Variants in PDS5A observed in about 807,000 individuals in gnomAD.
The protein encoded by PDS5A is PDS5 cohesin associated factor A, also known as sister chromatid cohesion protein PDS5 homolog A.
A neutral mutation model predicts 167.1 loss-of-function variants in PDS5A; 42 were observed. The ratio of observed to expected loss-of-function variants is 0.25; its 90% CI spans 0.20 to 0.33. PDS5A has a LOEUF of 0.33. Ranked by LOEUF, PDS5A falls within the 10% of genes least tolerant of loss-of-function variation. The pLI is 1.00. For synonymous variants in PDS5A, 553 were observed against 554.6 expected (o/e 1.00, Z 0.04); for missense variants, 1,033 against 1,605.9 (o/e 0.64, Z 6.10).
At chr4:39,917,015 TA>T (rs71194939) in intron 8 of PDS5A, 32 bp downstream of exon 8, 35,375 of 1,067,518 alleles carry the variant, frequency 0.033, 1 homozygote, top group East Asian at 0.06. Flanking sequence ...ACAAAAAAAT[TA>T]AAAAAAAAAA....
intron 32 of PDS5A, among the ~76,000 whole-genome samples, chr4:39,828,668 T>C (rs965558128): frequency 2.6e-5 from 4 of 152,308 alleles, no homozygotes; most frequent in African/African-American, 2.4e-5. Flanking sequence ...TAAAATATGA[T>C]AGTAAATACC....
At chr4:39,892,510 A>C (rs537779724) in intron 16 of PDS5A, among the ~76,000 whole-genome samples, 1 of 152,184 alleles carries the variant, frequency 6.6e-6, no homozygotes, top group African/African-American at 2.4e-5. Context: ...CACTTATTCT[A>C]GAAGAAGCCA....
rs181093724 is a variant in PDS5A at position 39,846,779 on chromosome 4, T to A, written c.3340-899A>T. ...AGTTTTAAATAATCCTATTAAAAAA[T>A]ATTTTTTATTGTATTAAATTTACCT... is the stretch of plus-strand genomic sequence containing the variant. On this transcript the variant is annotated intron_variant, in intron 28 of 32. Coordinates refer to ENST00000303538, the MANE Select transcript of PDS5A (RefSeq NM_001100399.2). 220 of 152,306 alleles carry A rather than the reference T, an allele frequency of 1.4e-3. 2 individuals carry two copies. Among genetic ancestry groups the A allele is most frequent in the African/African-American group, 5.0e-3 (207 of 41,562 alleles). The allele number at this position is 152,306 out of a possible 1,614,324, so 9.4% of individuals were successfully genotyped here.
intron 6 of PDS5A, among the ~76,000 whole-genome samples, chr4:39,920,968 ATTT>A (rs1007348059): frequency 2.0e-5 from 3 of 152,202 alleles, no homozygotes; most frequent in African/African-American, 7.2e-5. Context: ...AAAATATATT[ATTT>A]AATTTTTTTT....
chr4:39,861,436 C>T (rs191003558), intron 26 of PDS5A, among the ~76,000 whole-genome samples: 32 of 151,608 alleles, frequency 2.1e-4, no homozygotes, highest in Non-Finnish European at 3.7e-4. Flanking sequence ...CCAGCCTGGG[C>T]AAAAGAGCAA....
At chr4:39,972,432 A>G (rs1223499815) in intron 2 of PDS5A, among the ~76,000 whole-genome samples, 2 of 152,198 alleles carry the variant, frequency 1.3e-5, no homozygotes, top group Non-Finnish European at 2.9e-5. Flanking sequence ...GGGCAGGAGA[A>G]TCGCTTGAAC....
At position 39,863,164 on chromosome 4, in the gene PDS5A, A is replaced by G. The variant is rs950228141; in HGVS notation, c.2767-91T>C. The G allele has an allele frequency of 1.7e-5, 18 of 1,030,566 alleles. No homozygotes were observed. The Admixed American group carries it at 3.8e-4, about 22-fold the overall frequency. The allele number at this position is 1,030,566 out of a possible 1,614,324, so 63.8% of individuals were successfully genotyped here. A position where few individuals can be genotyped will look rare whatever the true frequency, so the allele number is the denominator to read the frequency against. On this transcript the variant is annotated intron_variant, in intron 24 of 32. Coordinates refer to ENST00000303538, the MANE Select transcript of PDS5A (RefSeq NM_001100399.2). ...TTTTTAGTGTCTTCAATTAAAAAGA[A>G]GATAATTATATGGGAGAATAAATAA...
chr4:39,844,854 A>G, intron 29 of PDS5A, 53 bp from the exon 30 acceptor site: 2 of 1,504,914 alleles, frequency 1.3e-6, no homozygotes, highest in Non-Finnish European at 1.8e-6. Flanking sequence ...ATACCTTACC[A>G]TGTATACATG....
intron 2 of PDS5A, among the ~76,000 whole-genome samples, chr4:39,968,347 CTT>C (rs34421673): frequency 3.5e-4 from 46 of 132,574 alleles, no homozygotes; most frequent in Non-Finnish European, 3.9e-4. Flanking sequence ...ATTTGTGATT[CTT>C]TTTTTTTTTT....
intron 2 of PDS5A, among the ~76,000 whole-genome samples, chr4:39,930,252 T>TTG (rs1553903859): frequency 8.0e-5 from 9 of 112,194 alleles, no homozygotes; most frequent in Non-Finnish European, 1.6e-4. Flanking sequence ...AAAAAGTTTT[T>TTG]TTGTTTTTTG....
In PDS5A at chr4:39,823,963, A is replaced by C. The variant is rs917871674; in HGVS notation, c.*1522T>G. ...CTTGTTTGTTTTACATCCCATGTAC[A>C]CTACAGCCTATCAAGACGAAGTTAT... On this transcript the variant is annotated 3_prime_UTR_variant, in exon 33 of 33. Transcript: ENST00000303538. 1 of 152,248 alleles carries C rather than the reference A, an allele frequency of 6.6e-6. No individual in the cohort carries two copies. Among genetic ancestry groups the C allele is most frequent in the Admixed American group, 6.5e-5 (1 of 15,278 alleles). The allele number at this position is 152,248 out of a possible 1,614,324, so 9.4% of individuals were successfully genotyped here. A position where few individuals can be genotyped will look rare whatever the true frequency, so the allele number is the denominator to read the frequency against.
At chr4:39,947,192 G>T (rs1459717487) in intron 2 of PDS5A, among the ~76,000 whole-genome samples, 1 of 152,136 alleles carries the variant, frequency 6.6e-6, no homozygotes, top group Non-Finnish European at 1.5e-5. Flanking sequence ...GGTGGTTCAC[G>T]CCTGTAATCC....
chr4:39,879,622 T>A, intron 18 of PDS5A, 106 bp downstream of exon 18: 1 of 590,854 alleles, frequency 1.7e-6, no homozygotes, highest in Non-Finnish European at 3.1e-6. Flanking sequence ...GTTTTAAATC[T>A]TTCAAATAGT....
intron 5 of PDS5A, among the ~76,000 whole-genome samples, chr4:39,924,685 A>G (rs1400487964): frequency 6.6e-6 from 1 of 152,274 alleles, no homozygotes; most frequent in Non-Finnish European, 1.5e-5. Flanking sequence ...TAAATAACAT[A>G]TATTATCAAT....
At chr4:39,847,065 G>A (rs1203954460) in intron 28 of PDS5A, 1 of 151,912 alleles carries the variant, frequency 6.6e-6, no homozygotes, top group Non-Finnish European at 1.5e-5. Flanking sequence ...ACATAAATAA[G>A]GAACGTTGCA....
chr4:39,933,525 AATTGCACTTGAT>A (rs1388568278), intron 2 of PDS5A: 1 of 152,222 alleles, frequency 6.6e-6, no homozygotes, highest in African/African-American at 2.4e-5. Context: ...CTGAATTCCC[AATTGCACTTGAT>A]ATTGCACTAG....
intron 24 of PDS5A, 102 bp downstream of exon 24, chr4:39,863,234 T>G (rs1467394892): frequency 1.0e-5 from 10 of 990,578 alleles, no homozygotes; most frequent in African/African-American, 3.3e-5. Flanking sequence ...TAGTAGTGAC[T>G]TTTGTGCATA....
At chr4:39,926,936 A>C in intron 3 of PDS5A, 75 bp from the exon 4 acceptor site, 2 of 1,189,254 alleles carry the variant, frequency 1.7e-6, no homozygotes, top group Non-Finnish European at 2.2e-6. Context: ...ATGTAACTTT[A>C]TTATTTGTGT....
chr4:39,965,790 A>G (rs1729918474), intron 2 of PDS5A, among the ~76,000 whole-genome samples: 1 of 152,166 alleles, frequency 6.6e-6, no homozygotes, highest in African/African-American at 2.4e-5. Context: ...GGAAGGGAAA[A>G]ATGAGGAGTT....
Sources: allele counts gnomAD v4.1 joint callset (sites outside exome capture counted in the v4.1 genomes callset), GRCh38; gene constraint gnomAD v4.1.1; transcripts MANE v1.5; gene names NCBI Gene and HGNC (gene_info 2026-07-23, HGNC 2026-07-21).